The following ATRNL1 variants were observed in gnomAD, a reference collection of about 807,000 sequenced individuals.
ATRNL1 encodes attractin-like protein 1.
A neutral mutation model predicts 182.7 loss-of-function variants in ATRNL1; 95 were observed. That is an observed-to-expected ratio of 0.52 (90% CI 0.44 to 0.62). ATRNL1 has a LOEUF of 0.62. Ranked by LOEUF, ATRNL1 falls within the 20% of genes least tolerant of loss-of-function variation. The pLI, the probability that ATRNL1 is intolerant of heterozygous loss-of-function variation, is 0.00. For synonymous variants in ATRNL1, 576 were observed against 568.3 expected, an observed-to-expected ratio of 1.01 and a Z score of -0.19; for missense variants, 1,471 against 1,679.5, an observed-to-expected ratio of 0.88 and a Z score of 2.17.
At chr10:115,169,139 G>T (rs1289984762) in intron 7 of ATRNL1, among the ~76,000 whole-genome samples, 2 of 147,546 alleles carry the variant, frequency 1.4e-5, no homozygotes, top group Non-Finnish European at 3.0e-5. Flanking sequence ...CCATAGATGT[G>T]TGGGTTTATT....
At chr10:115,607,496 CA>C (rs1347247120) in intron 26 of ATRNL1, among the ~76,000 whole-genome samples, 2 of 151,752 alleles carry the variant, frequency 1.3e-5, no homozygotes, top group Non-Finnish European at 3.0e-5. Context: ...CTTGATTTCA[CA>C]AGCAATAGTT....
intron 1 of ATRNL1, among the ~76,000 whole-genome samples, chr10:115,100,502 G>A (rs190885929): frequency 6.6e-6 from 1 of 152,042 alleles, no homozygotes; most frequent in East Asian, 1.9e-4. Flanking sequence ...AGCACTATTT[G>A]TTGAGAAGAG....
At chr10:115,146,259 G>C (rs367634656) in intron 5 of ATRNL1, among the ~76,000 whole-genome samples, 1 of 152,088 alleles carries the variant, frequency 6.6e-6, no homozygotes, top group African/African-American at 2.4e-5. Flanking sequence ...TATAAATTAA[G>C]GGTATGAGCC....
intron 26 of ATRNL1, among the ~76,000 whole-genome samples, chr10:115,716,330 G>A (rs923049994): frequency 2.0e-5 from 3 of 151,938 alleles, no homozygotes. Context: ...TTTCCTCAAA[G>A]GAAAAAAATA....
chr10:115,352,250 A>G (rs1394442123), intron 19 of ATRNL1, among the ~76,000 whole-genome samples: 1 of 151,748 alleles, frequency 6.6e-6, no homozygotes, highest in Non-Finnish European at 1.5e-5. Flanking sequence ...TTTTTCCCAA[A>G]TAACTTCTCC....
intron 3 of ATRNL1, among the ~76,000 whole-genome samples, chr10:115,125,898 C>A (rs1844951344): frequency 1.3e-5 from 2 of 152,160 alleles, no homozygotes; most frequent in Admixed American, 6.5e-5. Context: ...AATGCCTGGG[C>A]AGGCCTTCAA....
chr10:115,369,203 A>C (rs1460345747), intron 19 of ATRNL1, among the ~76,000 whole-genome samples: 1 of 149,868 alleles, frequency 6.7e-6, no homozygotes, highest in African/African-American at 2.4e-5. Context: ...AATACTATGT[A>C]TATAATGTGG....
At chr10:115,788,932 C>T (rs1949460084) in intron 27 of ATRNL1, among the ~76,000 whole-genome samples, 1 of 152,182 alleles carries the variant, frequency 6.6e-6, no homozygotes, top group Admixed American at 6.5e-5. Flanking sequence ...CTTCAAAGTT[C>T]TTTCATTCCT....
At chr10:115,555,035 G>A (rs75598058) in intron 26 of ATRNL1, among the ~76,000 whole-genome samples, 211 of 151,734 alleles carry the variant, frequency 1.4e-3, no homozygotes, top group African/African-American at 4.6e-3. Context: ...GTGTGTATAT[G>A]TGTTTTTATG....
intron 1 of ATRNL1, among the ~76,000 whole-genome samples, chr10:115,115,805 T>C (rs1369449891): frequency 3.3e-5 from 5 of 152,106 alleles, no homozygotes; most frequent in Non-Finnish European, 5.9e-5. Flanking sequence ...TGTTAAGTTA[T>C]ATATCCATAG....
chr10:115,289,948 T>C (rs1852811377), intron 15 of ATRNL1, among the ~76,000 whole-genome samples: 1 of 152,190 alleles, frequency 6.6e-6, no homozygotes, highest in Admixed American at 6.5e-5. Flanking sequence ...AGGTAGTGCA[T>C]TGAGTCTGTA....
In ATRNL1 at chr10:115,222,278, C is replaced by G. The variant is rs1025789880; in HGVS notation, c.1532+6398C>G. Among the ~76,000 whole-genome samples the G allele has an allele frequency of 1.1e-3, 165 of 151,948 alleles. 2 individuals are homozygous for G. The highest frequency in any genetic ancestry group is 1.9e-4 in the Non-Finnish European group (13 of 67,930). On this transcript the variant is annotated intron_variant, in intron 9 of 28. Coordinates refer to ENST00000355044, the MANE Select transcript of ATRNL1 (RefSeq NM_207303.4). The stretch of plus-strand genomic sequence containing the variant: ...ACATCCAGAAGGAAGTAAAGAAAGA[C>G]AAAATGATGACCAAAAAAGGACAGA...
chr10:115,822,302 C>T (rs1341117594), intron 27 of ATRNL1, among the ~76,000 whole-genome samples: 2 of 152,154 alleles, frequency 1.3e-5, no homozygotes, highest in African/African-American at 2.4e-5. Context: ...AAATTTATAG[C>T]ACTAAATGCC....
At chr10:115,367,804 TG>T in intron 19 of ATRNL1, among the ~76,000 whole-genome samples, 1 of 142,244 alleles carries the variant, frequency 7.0e-6, no homozygotes. Context: ...GTGCCCCTGC[TG>T]GGGGGTGCCT....
At chr10:115,805,673 C>G (rs782075335) in intron 27 of ATRNL1, among the ~76,000 whole-genome samples, 4 of 151,930 alleles carry the variant, frequency 2.6e-5, no homozygotes, top group Non-Finnish European at 5.9e-5. Flanking sequence ...TAGAAGAAAC[C>G]AGGGTTAGGG....
intron 25 of ATRNL1, among the ~76,000 whole-genome samples, chr10:115,521,249 G>A (rs1395757157): frequency 6.6e-6 from 1 of 151,968 alleles, no homozygotes; most frequent in Non-Finnish European, 1.5e-5. Flanking sequence ...CACCTCCCGG[G>A]TTCAAGCATT....
At chr10:115,115,624 G>A (rs782763479) in intron 1 of ATRNL1, among the ~76,000 whole-genome samples, 1 of 152,058 alleles carries the variant, frequency 6.6e-6, no homozygotes, top group African/African-American at 2.4e-5. Context: ...AGATTTCTAT[G>A]TGAAAAAGGC....
chr10:115,734,614 C>G (rs960321841), intron 27 of ATRNL1, among the ~76,000 whole-genome samples: 2 of 151,982 alleles, frequency 1.3e-5, no homozygotes. Context: ...TTGGAACATT[C>G]CTTGCCTTTT....
intron 18 of ATRNL1, among the ~76,000 whole-genome samples, chr10:115,316,619 A>T (rs186070485): frequency 2.0e-5 from 3 of 152,106 alleles, no homozygotes; most frequent in Admixed American, 1.3e-4. Context: ...CTAGTGTGAG[A>T]TGGTATCTCA....
Sources: allele counts gnomAD v4.1 joint callset (sites outside exome capture counted in the v4.1 genomes callset), GRCh38; gene constraint gnomAD v4.1.1; transcripts MANE v1.5; gene names NCBI Gene and HGNC (gene_info 2026-07-23, HGNC 2026-07-21).